Variants in MACROD1 observed in about 807,000 individuals in gnomAD.
MACROD1 encodes the protein mono-ADP ribosylhydrolase 1, also known as ADP-ribose glycohydrolase MACROD1.
Under a neutral mutation model 41.4 loss-of-function variants are expected in MACROD1, and 31 were observed. The observed-to-expected ratio is 0.75, with a 90% confidence interval of 0.56 to 1.01. MACROD1 has a LOEUF of 1.01. MACROD1 is among the 50% of genes least tolerant of loss of function. The pLI, the probability that MACROD1 is intolerant of heterozygous loss-of-function variation, is 0.00. For missense variants in MACROD1, 473 were observed against 460.0 expected (o/e 1.03, Z -0.26); for synonymous variants, 252 against 203.4 (o/e 1.24, Z -2.03).
intron 3 of MACROD1, among the ~76,000 whole-genome samples, chr11:64,109,572 A>G (rs1333301490): frequency 6.6e-6 from 1 of 152,122 alleles, no homozygotes; most frequent in African/African-American, 2.4e-5. Flanking sequence ...TGGAGGAGGT[A>G]GGGAACTATT....
chr11:64,013,532 G>A (rs552019697), intron 4 of MACROD1, among the ~76,000 whole-genome samples: 2 of 152,248 alleles, frequency 1.3e-5, no homozygotes, highest in Non-Finnish European at 2.9e-5. Context: ...GGAGGTGACT[G>A]TGAGAGGTGA....
At chr11:64,008,294 G>C (rs1343981967) in intron 4 of MACROD1, among the ~76,000 whole-genome samples, 3 of 152,086 alleles carry the variant, frequency 2.0e-5, no homozygotes, top group African/African-American at 7.2e-5. Context: ...GGGTTGTGGG[G>C]GAGAGCGCTC....
At chr11:64,010,154 A>G (rs1374066049) in intron 4 of MACROD1, among the ~76,000 whole-genome samples, 605 of 38,890 alleles carry the variant, frequency 0.016, no homozygotes, top group Middle Eastern at 0.04. Context: ...TGTTGGTTGA[A>G]GTGTTGCCTG....
At chr11:64,007,012 G>A (rs886564981) in intron 4 of MACROD1, among the ~76,000 whole-genome samples, 2 of 152,098 alleles carry the variant, frequency 1.3e-5, no homozygotes, top group Non-Finnish European at 2.9e-5. Flanking sequence ...GGAAGGGCAC[G>A]CATCCCCTGT....
intron 3 of MACROD1, chr11:64,116,665 A>C: frequency 6.2e-7 from 1 of 1,613,838 alleles, no homozygotes; most frequent in Non-Finnish European, 8.5e-7. Context: ...CGGGAGCTGC[A>C]CCTGCAGGAC....
intron 3 of MACROD1, among the ~76,000 whole-genome samples, chr11:64,038,703 G>A (rs1347981452): frequency 1.3e-5 from 2 of 152,316 alleles, no homozygotes; most frequent in Non-Finnish European, 2.9e-5. Flanking sequence ...GTATGGGACT[G>A]TGTGGGTCTG....
intron 3 of MACROD1, among the ~76,000 whole-genome samples, chr11:64,033,074 G>T (rs928433904): frequency 6.6e-6 from 1 of 152,344 alleles, no homozygotes; most frequent in Non-Finnish European, 1.5e-5. Context: ...AGGTCAAGAG[G>T]CACCTCCCTG....
intron 3 of MACROD1, among the ~76,000 whole-genome samples, chr11:64,053,618 T>A (rs1282619640): frequency 2.6e-5 from 4 of 152,072 alleles, no homozygotes; most frequent in Non-Finnish European, 5.9e-5. Flanking sequence ...GTGGGGCCCC[T>A]ACCCTGGGGA....
chr11:64,079,991 G>A (rs1944274948), intron 3 of MACROD1, among the ~76,000 whole-genome samples: 1 of 152,170 alleles, frequency 6.6e-6, no homozygotes. Flanking sequence ...CCTTGAACAA[G>A]TTGCTTTCCC....
In MACROD1 at chr11:64,109,470, G is replaced by A. The variant is rs558444612; in HGVS notation, c.517+41769C>T. Among the ~76,000 whole-genome samples, 14 of 152,292 alleles carry A rather than the reference G, an allele frequency of 9.2e-5. No homozygotes were observed. The South Asian group carries it at 2.1e-3, about 23-fold the overall frequency. ...AGCTCCACAAAGGGTCTAATGCACCGTGAGCACAGCTTCTGGGGAGGGCTG... is the reference window on the plus strand; with the variant it reads ...AGCTCCACAAAGGGTCTAATGCACCATGAGCACAGCTTCTGGGGAGGGCTG... On this transcript the variant is annotated intron_variant, in intron 3 of 10. Transcript: ENST00000255681.
chr11:64,058,812 G>C (rs533375319), intron 3 of MACROD1, among the ~76,000 whole-genome samples: 8 of 152,326 alleles, frequency 5.3e-5, no homozygotes, highest in African/African-American at 1.9e-4. Context: ...TCTCTGACGG[G>C]TGGGAGGGCG....
chr11:64,065,854 G>C (rs1219574210), intron 3 of MACROD1, among the ~76,000 whole-genome samples: 1 of 151,918 alleles, frequency 6.6e-6, no homozygotes, highest in African/African-American at 2.4e-5. Context: ...CAGGCAGGCA[G>C]GTGGGAGATC....
At position 64,117,387 on chromosome 11, in the gene MACROD1, G is replaced by C. The variant is rs138445479; in HGVS notation, c.517+33852C>G. The C allele has an allele frequency of 1.8e-4, 292 of 1,612,082 alleles. No individual in the cohort carries two copies. The highest frequency in any genetic ancestry group is 2.4e-4 in the Non-Finnish European group (283 of 1,178,496). ...CATGGCCATCAAGGACATTACCAGCGAGATGGACGAGTGTTTTGAGACGGG... is the reference window on the plus strand; with the variant it reads ...CATGGCCATCAAGGACATTACCAGCCAGATGGACGAGTGTTTTGAGACGGG... On this transcript the variant is annotated intron_variant, in intron 3 of 10. Coordinates refer to ENST00000255681, the MANE Select transcript of MACROD1 (RefSeq NM_014067.4).
chr11:64,004,875 C>T (rs532892854), intron 4 of MACROD1, among the ~76,000 whole-genome samples: 27 of 151,888 alleles, frequency 1.8e-4, no homozygotes, highest in African/African-American at 2.9e-4. Context: ...CATAGTAAGA[C>T]CCCATCTCAA....
intron 3 of MACROD1, among the ~76,000 whole-genome samples, chr11:64,143,833 C>T (rs1311053666): frequency 6.7e-6 from 1 of 150,276 alleles, no homozygotes; most frequent in Non-Finnish European, 1.5e-5. Flanking sequence ...CTCGGCAAAC[C>T]TCCCATCCCA....
intron 1 of MACROD1, among the ~76,000 whole-genome samples, chr11:64,157,069 G>A (rs1945679845): frequency 6.6e-6 from 1 of 152,106 alleles, no homozygotes; most frequent in South Asian, 2.1e-4. Flanking sequence ...CTTAAGCCAG[G>A]AACATGCCCC....
At chr11:63,999,138 C>T in intron 8 of MACROD1, 102 bp from the exon 9 acceptor site, 1 of 1,352,402 alleles carries the variant, frequency 7.4e-7, no homozygotes, top group Non-Finnish European at 1.0e-6. Context: ...TGGCCCTGCG[C>T]CCTTCACGGA....
At chr11:64,149,573 G>A (rs556933118) in intron 3 of MACROD1, among the ~76,000 whole-genome samples, 2 of 152,320 alleles carry the variant, frequency 1.3e-5, no homozygotes, top group South Asian at 4.1e-4. Context: ...CCCCACCTTG[G>A]TCCCTGCACC....
At chr11:64,015,139 T>G in intron 4 of MACROD1, 113 bp downstream of exon 4, 1 of 1,143,466 alleles carries the variant, frequency 8.7e-7, no homozygotes, top group Non-Finnish European at 1.2e-6. Flanking sequence ...GTGAGGACAG[T>G]GGGGAAGGTG....
Sources: allele counts gnomAD v4.1 joint callset (sites outside exome capture counted in the v4.1 genomes callset), GRCh38; gene constraint gnomAD v4.1.1; transcripts MANE v1.5; gene names NCBI Gene and HGNC (gene_info 2026-07-23, HGNC 2026-07-21).